The following STON1 variants were observed in gnomAD, a reference collection of about 807,000 sequenced individuals.
The protein encoded by STON1 is stonin 1.
STON1 carries 79 observed loss-of-function variants against 60.9 expected under a neutral mutation model. The observed-to-expected ratio is 1.30, with a 90% CI of 1.08 to 1.56. The LOEUF (loss-of-function observed/expected upper bound fraction) is 1.56. Among genes scored for constraint, STON1 ranks in the 40% most tolerant of loss-of-function variants. The pLI, the probability that STON1 is intolerant of heterozygous loss-of-function variation, is 0.00. For synonymous variants in STON1, 363 were observed against 306.9 expected, an observed-to-expected ratio of 1.18 and a Z score of -1.91; for missense variants, 1,166 against 858.9, an observed-to-expected ratio of 1.36 and a Z score of -4.47.
Position 48,581,454 on chromosome 2 carries a change from C to A in STON1, c.821C>A (p.Ser274Tyr). The stretch of plus-strand genomic sequence containing the variant: ...ACACTCTTCAGGAGTCAGCCAAAAT[C>A]CGGATGGTCTTTCATGCTGAGAATT... ...PHTLFRSQPK[S>Y]GWSFMLRIPE... Residue 274 changes from serine (S) to tyrosine (Y), a missense_variant, in exon 2 of 4, where the codon TCC becomes TAC. Ser to Tyr is a moderately radical substitution (Grantham distance 144). Coordinates refer to ENST00000404752, the MANE Select transcript of STON1 (RefSeq NM_006873.4). 5 of 1,614,204 alleles carry A rather than the reference C, an allele frequency of 3.1e-6. No individual in the cohort carries two copies. Among genetic ancestry groups the A allele is most frequent in the Non-Finnish European group, 4.2e-6 (5 of 1,180,024 alleles).
At chr2:48,553,795 CCTT>C (rs1293984246) in intron 1 of STON1, among the ~76,000 whole-genome samples, 7 of 152,084 alleles carry the variant, frequency 4.6e-5, no homozygotes, top group Non-Finnish European at 8.8e-5. Flanking sequence ...GCCTTAGACC[CCTT>C]CTTAGGAGAA....
In STON1 at chr2:48,595,656, C is replaced by G. The variant is rs1674755994; in HGVS notation, c.*354C>G. The G allele has an allele frequency of 3.8e-6, 1 of 262,554 alleles. No homozygotes were observed. The highest frequency in any genetic ancestry group is 4.6e-5 in the South Asian group (1 of 21,510). The allele number at this position is 262,554 out of a possible 1,614,324, so 16.3% of individuals were successfully genotyped here. On this transcript the variant is annotated 3_prime_UTR_variant, in exon 4 of 4. Transcript: ENST00000404752. ...CTCTGGATTACTGAGGTGCCGTCTTCATTTCTTCCCATCTCTTCTTGCTGC... is the reference window on the plus strand; with the variant it reads ...CTCTGGATTACTGAGGTGCCGTCTTGATTTCTTCCCATCTCTTCTTGCTGC...
In STON1 at chr2:48,542,605, CT is replaced by C. The variant is rs531809840; in HGVS notation, c.-48+12391del. Among the ~76,000 whole-genome samples the C allele has an allele frequency of 2.9e-3, 441 of 152,252 alleles. 2 individuals carry two copies. Among genetic ancestry groups the C allele is most frequent in the African/African-American group, 9.9e-3 (413 of 41,550 alleles). Reference sequence around the variant, plus strand: ...CTTATTCTTTCAAAGTAGAATTGTGCTTCAGGAGGTCTAATCAGGCTAGGCA... The same window carrying C: ...CTTATTCTTTCAAAGTAGAATTGTGCTCAGGAGGTCTAATCAGGCTAGGCA... On this transcript the variant is annotated intron_variant, in intron 1 of 3. Transcript: ENST00000404752.
intron 2 of STON1, among the ~76,000 whole-genome samples, chr2:48,585,714 CT>C (rs1228946038): frequency 1.3e-5 from 2 of 152,298 alleles, no homozygotes; most frequent in Non-Finnish European, 2.9e-5. Flanking sequence ...AGAGTATTAG[CT>C]TTTGTTTTGC....
intron 2 of STON1, among the ~76,000 whole-genome samples, chr2:48,588,875 A>T (rs906404404): frequency 6.6e-6 from 1 of 152,086 alleles, no homozygotes; most frequent in Non-Finnish European, 1.5e-5. Context: ...TCATTTTGCA[A>T]CAAAGGTTTG....
Position 48,595,497 on chromosome 2 carries a change from A to G in STON1, c.*195A>G, listed in dbSNP as rs923428375. 1.7e-5 allele frequency: 9 copies of G among 544,550 alleles called. No homozygotes were observed. Among genetic ancestry groups the G allele is most frequent in the African/African-American group, 1.5e-4 (8 of 51,682 alleles). The allele number at this position is 544,550 out of a possible 1,614,324, so 33.7% of individuals were successfully genotyped here. ...TTTGCTTTTCATGTGTTTTTGTCCT[A>G]GGGGTTCGATCTAAAATGTTTCTAT... On this transcript the variant is annotated 3_prime_UTR_variant, in exon 4 of 4. Coordinates refer to ENST00000404752, the MANE Select transcript of STON1 (RefSeq NM_006873.4).
At position 48,564,487 on chromosome 2, in the gene STON1, TTCTTC is replaced by T. The variant is rs1672794968; in HGVS notation, c.-47-16098_-47-16094del. Among the ~76,000 whole-genome samples, 10 of 20,994 alleles carry T rather than the reference TTCTTC, an allele frequency of 4.8e-4. 1 individual carries two copies. The highest frequency in any genetic ancestry group is 9.1e-4 in the Admixed American group (2 of 2,186). 13.8% of individuals were successfully genotyped at this position (20,994 alleles called of 152,430 possible). On this transcript the variant is annotated intron_variant, in intron 1 of 3. Coordinates refer to ENST00000404752, the MANE Select transcript of STON1 (RefSeq NM_006873.4). ...TTCTTCTTCTTCTTCTTCTTTCTTC[TTCTTC>T]TTCTTCTTCTTCTTCTTCTTCTTCT...
At chr2:48,535,777 G>C (rs532495353) in intron 1 of STON1, among the ~76,000 whole-genome samples, 1 of 152,188 alleles carries the variant, frequency 6.6e-6, no homozygotes, top group South Asian at 2.1e-4. Context: ...AGCAGTCAGT[G>C]AGCATTTGTG....
chr2:48,592,344 T>C (rs1029593432), intron 3 of STON1, among the ~76,000 whole-genome samples: 1 of 152,048 alleles, frequency 6.6e-6, no homozygotes, highest in African/African-American at 2.4e-5. Flanking sequence ...TGTGGGTATG[T>C]GTATGTAAAA....
intron 1 of STON1, among the ~76,000 whole-genome samples, chr2:48,544,447 C>T (rs1558575354): frequency 6.6e-6 from 1 of 152,160 alleles, no homozygotes. Flanking sequence ...TCTGTTTATA[C>T]CTTTGAATAT....
At chr2:48,592,144 A>T (rs979889498) in intron 3 of STON1, among the ~76,000 whole-genome samples, 1 of 152,172 alleles carries the variant, frequency 6.6e-6, no homozygotes, top group East Asian at 1.9e-4. Context: ...TGATGTTAGG[A>T]CACCATTTCT....
chr2:48,580,649 C>T lies in STON1; in HGVS notation c.16C>T (p.Pro6Ser). Residue 6 changes from proline to serine, a missense_variant, in exon 2 of 4, where the codon CCA (proline) becomes TCA (serine). Pro to Ser is a moderately conservative substitution (Grantham distance 74). Transcript: ENST00000404752. MCSTN[P>S]GKWVTFDDDP... The stretch of plus-strand genomic sequence containing the variant: ...GATCCCAAAGATGTGCTCCACAAAT[C>T]CAGGCAAATGGGTCACCTTTGATGA... 2 of 1,370,760 alleles carry T rather than the reference C, an allele frequency of 1.5e-6. No homozygotes were observed. Among genetic ancestry groups the T allele is most frequent in the Non-Finnish European group, 1.9e-6 (2 of 1,055,984 alleles). 84.9% of individuals were successfully genotyped at this position (1,370,760 alleles called of 1,614,324 possible).
chr2:48,538,911 C>G (rs926058914), intron 1 of STON1, among the ~76,000 whole-genome samples: 4 of 151,976 alleles, frequency 2.6e-5, no homozygotes, highest in African/African-American at 9.7e-5. Context: ...AGCCACTGCT[C>G]TCGGCCTATT....
At chr2:48,531,981 C>A (rs1466907574) in intron 1 of STON1, 3 of 152,054 alleles carry the variant, frequency 2.0e-5, no homozygotes, top group Non-Finnish European at 2.9e-5. Context: ...TCCACTGATG[C>A]AGTTTGACAG....
At chr2:48,535,569 G>C (rs1369492407) in intron 1 of STON1, among the ~76,000 whole-genome samples, 1 of 152,194 alleles carries the variant, frequency 6.6e-6, no homozygotes, top group Non-Finnish European at 1.5e-5. Context: ...TTTCAGCTGG[G>C]CGCAGTGGCT....
intron 1 of STON1, among the ~76,000 whole-genome samples, chr2:48,572,941 G>A (rs1572964058): frequency 6.6e-6 from 1 of 152,354 alleles, no homozygotes; most frequent in South Asian, 2.1e-4. Context: ...GGAGCCAGCA[G>A]CCTGGGCTGC....
chr2:48,595,108 G>C (rs949991470), intron 3 of STON1, 120 bp from the exon 4 acceptor site: 3 of 772,046 alleles, frequency 3.9e-6, no homozygotes, highest in Non-Finnish European at 6.7e-6. Flanking sequence ...AGAGGGCTGT[G>C]TCTGTGTCCA....
rs766735203 is a variant in STON1, at chr2:48,580,614, A to T, written c.-20A>T. The stretch of plus-strand genomic sequence containing the variant: ...TCAACCTATTTGATTTCTTGACAAG[A>T]CCACAATCTGATCCCAAAGATGTGC... On this transcript the variant is annotated 5_prime_UTR_variant, in exon 2 of 4. Transcript: ENST00000404752. 7 of 1,335,758 alleles carry T rather than the reference A, an allele frequency of 5.2e-6. No individual in the cohort carries two copies. In the Admixed American group the frequency reaches 1.2e-4, roughly 23 times the overall value. 82.7% of individuals were successfully genotyped at this position (1,335,758 alleles called of 1,614,324 possible). A position where few individuals can be genotyped will look rare whatever the true frequency, so the allele number is the denominator to read the frequency against.
intron 1 of STON1, among the ~76,000 whole-genome samples, chr2:48,545,423 G>A (rs1242174208): frequency 2.6e-5 from 4 of 152,120 alleles, no homozygotes; most frequent in East Asian, 1.9e-4. Flanking sequence ...ACACGGGCGC[G>A]CACAGACCCC....
Sources: allele counts gnomAD v4.1 joint callset (sites outside exome capture counted in the v4.1 genomes callset), GRCh38; gene constraint gnomAD v4.1.1; transcripts MANE v1.5; gene names NCBI Gene and HGNC (gene_info 2026-07-23, HGNC 2026-07-21).